The following MTFR2 variants were observed in gnomAD, a reference collection of about 807,000 sequenced individuals.
MTFR2 encodes mitochondrial fission regulator 2, also known as DUF729 domain-containing protein 1.
In MTFR2, 44 loss-of-function variants were observed where a neutral mutation model predicts 41.2. That is an observed-to-expected ratio of 1.07 (90% CI 0.84 to 1.37). The LOEUF (loss-of-function observed/expected upper bound fraction) is 1.37. MTFR2 is among the 40% of genes most tolerant of loss of function. MTFR2 has a pLI of 0.00. For synonymous variants in MTFR2, 141 were observed against 154.6 expected, an observed-to-expected ratio of 0.91 and a Z score of 0.65; for missense variants, 452 against 459.5, an observed-to-expected ratio of 0.98 and a Z score of 0.15.
At chr6:136,236,339 A>G (rs1297878838) in intron 6 of MTFR2, among the ~76,000 whole-genome samples, 3 of 152,180 alleles carry the variant, frequency 2.0e-5, no homozygotes, top group Non-Finnish European at 4.4e-5. Context: ...ATGAATGATG[A>G]CACTTGGCTC....
At chr6:136,232,190 A>T (rs1779776806) in intron 7 of MTFR2, among the ~76,000 whole-genome samples, 1 of 152,144 alleles carries the variant, frequency 6.6e-6, no homozygotes, top group African/African-American at 2.4e-5. Context: ...GTGAGCACAG[A>T]GGCTGCACAC....
intron 6 of MTFR2, among the ~76,000 whole-genome samples, chr6:136,236,174 G>C (rs1341786814): frequency 2.0e-5 from 3 of 152,206 alleles, no homozygotes; most frequent in African/African-American, 7.2e-5. Context: ...CAACGGCTGA[G>C]AGTACATGTG....
chr6:136,249,182 T>C, intron 1 of MTFR2, 29 bp from the exon 2 acceptor site: 9 of 1,134,496 alleles, frequency 7.9e-6, no homozygotes, highest in Non-Finnish European at 1.1e-5. Flanking sequence ...AAAATGTTAC[T>C]CTTGACAAAT....
chr6:136,242,808 C>T, intron 4 of MTFR2, 53 bp downstream of exon 4: 1 of 1,367,174 alleles, frequency 7.3e-7, no homozygotes, highest in Non-Finnish European at 1.0e-6. Flanking sequence ...AGCTTCGACA[C>T]ATGCAAGAAT....
rs904627799 is a variant in MTFR2 at position 136,231,087 on chromosome 6, G to A, written c.*188C>T. ...ATGTACAGAAGAACAGAGTATAAAC[G>A]TAAAAAGGAACAAAGGAAACAAAAA... On this transcript the variant is annotated 3_prime_UTR_variant, in exon 8 of 8. Coordinates refer to ENST00000420702, the MANE Select transcript of MTFR2 (RefSeq NM_001099286.3). The A allele has an allele frequency of 5.4e-5, 28 of 520,876 alleles. No homozygotes were observed. Among genetic ancestry groups the A allele is most frequent in the South Asian group, 2.7e-4 (10 of 36,778 alleles). The allele number at this position is 520,876 out of a possible 1,614,324, so 32.3% of individuals were successfully genotyped here.
intron 2 of MTFR2, among the ~76,000 whole-genome samples, chr6:136,245,095 G>A (rs1047590320): frequency 6.6e-6 from 1 of 152,122 alleles, no homozygotes; most frequent in South Asian, 2.1e-4. Context: ...AGAGATGGTA[G>A]TAAACATATA....
At chr6:136,236,195 G>A (rs1195355814) in intron 6 of MTFR2, among the ~76,000 whole-genome samples, 3 of 152,168 alleles carry the variant, frequency 2.0e-5, no homozygotes, top group African/African-American at 4.8e-5. Flanking sequence ...TTTTGAAGGT[G>A]GGAAGTACTC....
chr6:136,241,449 T>A lies in MTFR2; in HGVS notation c.509A>T (p.Asn170Ile), dbSNP rs1404328326. Reference protein sequence around the residue: ...VEMQELKNSTNSSSFGLSDER... With the variant: ...VEMQELKNSTISSSFGLSDER... Reference sequence around the variant, plus strand: ...AAAATCCTACTGTTACTTACTAGAATTTGTACTATTTTTCAGTTCCTGCAT... The same window carrying A: ...AAAATCCTACTGTTACTTACTAGAAATTGTACTATTTTTCAGTTCCTGCAT... The change falls in exon 5 of 8, where the codon AAT becomes ATT. Residue 170 changes from asparagine to isoleucine, a missense_variant. Transcript: ENST00000420702. 1 of 1,610,918 alleles carries A rather than the reference T, an allele frequency of 6.2e-7. No individual in the cohort carries two copies.
At chr6:136,237,429 C>T (rs1018229100) in intron 6 of MTFR2, among the ~76,000 whole-genome samples, 1 of 152,164 alleles carries the variant, frequency 6.6e-6, no homozygotes, top group African/African-American at 2.4e-5. Flanking sequence ...AACAAACCTA[C>T]ACTTTTAATA....
At chr6:136,245,126 T>C (rs1490290368) in intron 2 of MTFR2, among the ~76,000 whole-genome samples, 2 of 152,014 alleles carry the variant, frequency 1.3e-5, no homozygotes, top group Middle Eastern at 3.2e-3. Flanking sequence ...GAAGATCTTT[T>C]AAAAAGCACA....
At chr6:136,238,644 T>A (rs1453861928) in intron 6 of MTFR2, among the ~76,000 whole-genome samples, 1 of 150,880 alleles carries the variant, frequency 6.6e-6, no homozygotes, top group Non-Finnish European at 1.5e-5. Context: ...ACATAAAAAT[T>A]TGTTAACAGA....
At chr6:136,242,438 TAATA>T (rs1780104131) in intron 4 of MTFR2, among the ~76,000 whole-genome samples, 1 of 152,188 alleles carries the variant, frequency 6.6e-6, no homozygotes, top group Admixed American at 6.5e-5. Flanking sequence ...GTTTGATACA[TAATA>T]AAATCAGCCG....
At chr6:136,240,496 A>G (rs944395605) in intron 5 of MTFR2, among the ~76,000 whole-genome samples, 3 of 152,268 alleles carry the variant, frequency 2.0e-5, no homozygotes, top group Admixed American at 1.3e-4. Context: ...TTTAGCAATT[A>G]TATTTACACA....
At chr6:136,231,669 T>TAAA (rs71006791) in intron 7 of MTFR2, among the ~76,000 whole-genome samples, 1,652 of 82,566 alleles carry the variant, frequency 0.02, 25 homozygotes, top group East Asian at 0.1. Flanking sequence ...AAAAACTATG[T>TAAA]AAAAAAAAAA....
chr6:136,233,734 C>A (rs1234728595), intron 6 of MTFR2, among the ~76,000 whole-genome samples: 2 of 151,940 alleles, frequency 1.3e-5, no homozygotes, highest in Non-Finnish European at 2.9e-5. Flanking sequence ...CTTGTTATGA[C>A]CTGAGATTTG....
At chr6:136,240,892 C>G (rs187937390) in intron 5 of MTFR2, among the ~76,000 whole-genome samples, 10 of 152,128 alleles carry the variant, frequency 6.6e-5, no homozygotes, top group African/African-American at 9.7e-5. Flanking sequence ...GAGATCGAGA[C>G]CATCCTGGCT....
intron 6 of MTFR2, among the ~76,000 whole-genome samples, chr6:136,238,958 C>T (rs189157543): frequency 6.6e-6 from 1 of 152,192 alleles, no homozygotes; most frequent in Non-Finnish European, 1.5e-5. Flanking sequence ...GTCCCAGCTA[C>T]TAAGGAAGCT....
Position 136,231,143 on chromosome 6 carries a change from T to C in MTFR2, c.*132A>G, listed in dbSNP as rs1428029304. 2 of 605,308 alleles carry C rather than the reference T, an allele frequency of 3.3e-6. No homozygotes were observed. The highest frequency in any genetic ancestry group is 5.8e-6 in the Non-Finnish European group (2 of 345,988). The allele number at this position is 605,308 out of a possible 1,614,324, so 37.5% of individuals were successfully genotyped here. On this transcript the variant is annotated 3_prime_UTR_variant, in exon 8 of 8. Transcript: ENST00000420702. ...GGCATACATATTTACATAGCAAGTG[T>C]AGGCAAAATGTGTCAAGAAGAGTCT...
Position 136,233,470 on chromosome 6 carries a change from C to G in MTFR2, c.899G>C (p.Arg300Thr). 1 of 1,574,936 alleles carries G rather than the reference C, an allele frequency of 6.3e-7. No homozygotes were observed. Among genetic ancestry groups the G allele is most frequent in the Non-Finnish European group, 8.7e-7 (1 of 1,154,038 alleles). Residue 300 changes from arginine to threonine, a missense_variant, in exon 7 of 8, where the codon AGG (arginine) becomes ACG (threonine). Physicochemically the swap from Arg to Thr is moderately conservative, Grantham distance 71 (BLOSUM62 -1). Coordinates refer to ENST00000420702, the MANE Select transcript of MTFR2 (RefSeq NM_001099286.3). ...RSPGGRPIHK[R>T]KRQNSHWDPV... Reference sequence around the variant, plus strand: ...ATCCCAATGTGAATTCTGTCTTTTCCTCTTATGAATGGGTCTACCGCCAGG... The same window carrying G: ...ATCCCAATGTGAATTCTGTCTTTTCGTCTTATGAATGGGTCTACCGCCAGG...
Sources: gnomAD v4.1 joint callset for allele counts (sites outside exome capture counted in the v4.1 genomes callset) on GRCh38, gnomAD v4.1.1 for gene constraint, MANE v1.5 for transcripts, NCBI Gene and HGNC (gene_info 2026-07-23, HGNC 2026-07-21) for gene names.